Variants in TBCD observed in about 807,000 individuals in gnomAD.
TBCD encodes tubulin-specific chaperone D.
Under a neutral mutation model 169.3 loss-of-function variants are expected in TBCD, and 105 were observed. The observed-to-expected ratio is 0.62, with a 90% CI of 0.53 to 0.73. The LOEUF is 0.73. Among genes scored for constraint, TBCD ranks in the 30% least tolerant of loss-of-function variants. The pLI, the probability that TBCD is intolerant of heterozygous loss-of-function variation, is 0.00. For synonymous variants in TBCD, 700 were observed against 643.9 expected (o/e 1.09, Z -1.32); for missense variants, 1,444 against 1,600.1 (o/e 0.90, Z 1.66).
rs187752806 is a variant in TBCD, at chr17:82,817,111, T to A, written c.1318+2177T>A. Reference sequence around the variant, plus strand: ...GATATATGATTTGCAAATGTTTTATTGCGTTCCATGGTTGCCTTTTCACTT... The same window carrying A: ...GATATATGATTTGCAAATGTTTTATAGCGTTCCATGGTTGCCTTTTCACTT... On this transcript the variant is annotated intron_variant, in intron 13 of 38. Coordinates refer to ENST00000355528, the MANE Select transcript of TBCD (RefSeq NM_005993.5). Among the ~76,000 whole-genome samples, 12 of 152,308 alleles carry A rather than the reference T, an allele frequency of 7.9e-5. No individual in the cohort carries two copies. In the East Asian group the frequency reaches 2.1e-3, roughly 27 times the overall value.
At chr17:82,859,347 A>G (rs989721508) in intron 13 of TBCD, among the ~76,000 whole-genome samples, 7 of 143,312 alleles carry the variant, frequency 4.9e-5, no homozygotes, top group African/African-American at 1.6e-4. Context: ...TCCTCCCTAC[A>G]CTGACACACT....
intron 36 of TBCD, among the ~76,000 whole-genome samples, chr17:82,938,755 T>C (rs1486545450): frequency 6.9e-6 from 1 of 143,988 alleles, no homozygotes; most frequent in African/African-American, 2.5e-5. Flanking sequence ...GCAGGCGAGA[T>C]TGCTTCCCTG....
At chr17:82,866,873 T>C (rs1429117643) in intron 13 of TBCD, among the ~76,000 whole-genome samples, 1 of 152,060 alleles carries the variant, frequency 6.6e-6, no homozygotes, top group Non-Finnish European at 1.5e-5. Context: ...TGGCCTCTTC[T>C]CTTTAAGACA....
At position 82,831,883 on chromosome 17, in the gene TBCD, G is replaced by A; in HGVS notation, c.1318+16949G>A. 1.9e-6 allele frequency: 3 copies of A among 1,614,232 alleles called. No homozygotes were observed. Among genetic ancestry groups the A allele is most frequent in the Middle Eastern group, 1.7e-4 (1 of 6,060 alleles). ...GGCCGACTTGGTGTGGAAAGACACG[G>A]CCTTGGCAGTGGGGTTGTGTAAAGC... On this transcript the variant is annotated intron_variant, in intron 13 of 38. Transcript: ENST00000355528. The surrounding 1 kb of genome is among the most constrained non-coding windows in gnomAD (Gnocchi z 4.6).
Position 82,771,957 on chromosome 17 carries a change from T to C in TBCD, c.583-495T>C, listed in dbSNP as rs151129544. Among the ~76,000 whole-genome samples the C allele has an allele frequency of 4.0e-5, 6 of 151,718 alleles. No individual in the cohort carries two copies. In the East Asian group the frequency reaches 1.2e-3, roughly 29 times the overall value. ...AAAACAAAAACAAAAACAAAAAATATATACACCTACTATGTACCCCAAAAA... is the reference window on the plus strand; with the variant it reads ...AAAACAAAAACAAAAACAAAAAATACATACACCTACTATGTACCCCAAAAA... On this transcript the variant is annotated intron_variant, in intron 5 of 38. Coordinates refer to ENST00000355528, the MANE Select transcript of TBCD (RefSeq NM_005993.5).
At chr17:82,887,854 C>T (rs145780047) in intron 15 of TBCD, among the ~76,000 whole-genome samples, 4 of 152,274 alleles carry the variant, frequency 2.6e-5, no homozygotes, top group African/African-American at 9.6e-5. Context: ...TGGTGTGGAG[C>T]ATCTTTCACG....
At chr17:82,775,250 G>A (rs2048518269) in intron 6 of TBCD, among the ~76,000 whole-genome samples, 1 of 152,216 alleles carries the variant, frequency 6.6e-6, no homozygotes. Context: ...TGGGGGCGTC[G>A]GTGCCGTGGA....
chr17:82,870,360 C>G lies in TBCD; in HGVS notation c.1455C>G (p.Pro485=). ...ARAYEPQELK[P]FVTAISSALV... is the part of the protein sequence containing the mutation. The stretch of plus-strand genomic sequence containing the variant: ...CCTATGAGCCTCAGGAGCTGAAGCC[C>G]TTTGTGACTGCAATCTCGAGGTAGG... The change falls in exon 14 of 39, where the codon CCC becomes CCG. Residue 485 remains proline, a synonymous_variant. Coordinates refer to ENST00000355528, the MANE Select transcript of TBCD (RefSeq NM_005993.5). 1 of 1,613,126 alleles carries G rather than the reference C, an allele frequency of 6.2e-7. No homozygotes were observed. The highest frequency in any genetic ancestry group is 2.2e-5 in the East Asian group (1 of 44,876).
Position 82,903,378 on chromosome 17 carries a change from C to T in TBCD, c.1731-27C>T, listed in dbSNP as rs1022315311. On this transcript the variant is annotated intron_variant, in intron 18 of 38. Coordinates refer to ENST00000355528, the MANE Select transcript of TBCD (RefSeq NM_005993.5). This position sits in a 1 kb window ranked among gnomAD's most constrained non-coding sequence, Gnocchi z 4.8. ...AAGCTAGAATCATAAAATGAAGGCA[C>T]TTACGACATTCTCTCCTCACTCTCA... 1.9e-6 allele frequency: 3 copies of T among 1,581,504 alleles called. No homozygotes were observed. The African/African-American group carries it at 4.0e-5, about 21-fold the overall frequency.
intron 21 of TBCD, 114 bp downstream of exon 21, chr17:82,907,935 C>A: frequency 2.7e-6 from 3 of 1,110,738 alleles, no homozygotes; most frequent in East Asian, 2.6e-5. Context: ...TGTGCTCCAT[C>A]AGTCCTGGGC....
At chr17:82,821,244 A>T (rs945201888) in intron 13 of TBCD, among the ~76,000 whole-genome samples, 6 of 152,178 alleles carry the variant, frequency 3.9e-5, no homozygotes, top group African/African-American at 1.4e-4. Context: ...GCCTGTTTTT[A>T]TAATTTCTGT....
In TBCD at chr17:82,768,458, C is replaced by T. The variant is rs193221478; in HGVS notation, c.474C>T (p.Ser158=). ...ETRYMLLLWL[S]VTCLIPFDFS... ...GCTACATGCTTTTGCTCTGGCTCTC[C>T]GTGACCTGCCTGATCCCTTTTGATT... The change falls in exon 5 of 39, where the codon TCC becomes TCT. Residue 158 remains serine, a synonymous_variant. Transcript: ENST00000355528. 1.3e-4 allele frequency: 205 copies of T among 1,613,924 alleles called. No homozygotes were observed. The East Asian group carries it at 1.5e-3, about 12-fold the overall frequency.
intron 2 of TBCD, among the ~76,000 whole-genome samples, chr17:82,756,653 T>A (rs954578709): frequency 1.1e-4 from 16 of 152,254 alleles, no homozygotes; most frequent in African/African-American, 3.9e-4. Context: ...CTAATTTTTG[T>A]ATTTTTAGTA....
At chr17:82,942,321 C>T (rs554989193) in intron 38 of TBCD, 128 bp from the exon 39 acceptor site, 75 of 1,377,980 alleles carry the variant, frequency 5.4e-5, no homozygotes, top group Admixed American at 8.5e-5. Context: ...GTGTGGGAAA[C>T]GGCACAAATG....
intron 12 of TBCD, among the ~76,000 whole-genome samples, chr17:82,810,780 C>T (rs1289865929): frequency 1.3e-5 from 2 of 152,216 alleles, no homozygotes; most frequent in Admixed American, 6.5e-5. Context: ...GACACCGTGG[C>T]GAAAGCTGTG....
At position 82,937,256 on chromosome 17, in the gene TBCD, GTGT is replaced by G; in HGVS notation, c.3192-10_3192-8del. 6.2e-7 allele frequency: 1 copy of G among 1,613,328 alleles called. No individual in the cohort carries two copies. The highest frequency in any genetic ancestry group is 8.5e-7 in the Non-Finnish European group (1 of 1,179,264). ...CTGTGAAAGCTCATCTCTAAAGTGT[GTGT>G]TGTTCTTCCAGCCACCCCTTTGCTG... On this transcript the variant is annotated splice_polypyrimidine_tract_variant and intron_variant, in intron 34 of 38. Transcript: ENST00000355528.
intron 6 of TBCD, among the ~76,000 whole-genome samples, chr17:82,781,032 C>G (rs949245728): frequency 2.0e-5 from 3 of 151,866 alleles, no homozygotes; most frequent in Non-Finnish European, 4.4e-5. Context: ...AGTGTGAGCA[C>G]TGCCTGGAAC....
At chr17:82,836,274 G>A (rs747809088) in intron 13 of TBCD, among the ~76,000 whole-genome samples, 14 of 152,182 alleles carry the variant, frequency 9.2e-5, no homozygotes, top group African/African-American at 2.2e-4. Context: ...GGCATGCCTC[G>A]CCGCGCTCCC....
intron 13 of TBCD, chr17:82,830,592 AG>A: frequency 6.2e-7 from 1 of 1,614,012 alleles, no homozygotes; most frequent in Non-Finnish European, 8.5e-7. Flanking sequence ...CAGGTTCTGC[AG>A]CTCGTGGTCG....
Sources: gnomAD v4.1 joint callset for allele counts (sites outside exome capture counted in the v4.1 genomes callset) on GRCh38, gnomAD v4.1.1 for gene constraint, Gnocchi (gnomAD v3.1) non-coding constraint, MANE v1.5 for transcripts, NCBI Gene and HGNC (gene_info 2026-07-23, HGNC 2026-07-21) for gene names.